MAPK14: variants seen among roughly 807,000 people sequenced by gnomAD.
MAPK14 encodes CSAID-binding protein.
A neutral mutation model predicts 49.6 loss-of-function variants in MAPK14; 16 were observed. That is an observed-to-expected ratio of 0.32 (90% confidence interval 0.22 to 0.49). MAPK14 has a LOEUF of 0.49. Ranked by LOEUF, MAPK14 falls within the 20% of genes least tolerant of loss-of-function variation. MAPK14 has a pLI of 0.99. For missense variants in MAPK14, 200 were observed against 441.2 expected, an observed-to-expected ratio of 0.45 and a Z score of 4.90; for synonymous variants, 142 against 158.0, an observed-to-expected ratio of 0.90 and a Z score of 0.76.
chr6:36,069,219 T>TC (rs756603656), intron 3 of MAPK14, among the ~76,000 whole-genome samples: 3 of 152,216 alleles, frequency 2.0e-5, no homozygotes, highest in Non-Finnish European at 4.4e-5. Context: ...TATGTGACTC[T>TC]CCATTAATGC....
At chr6:36,116,209 G>C (rs1766058213), downstream of MAPK14, among the ~76,000 whole-genome samples, 1 of 152,202 alleles carries the variant, frequency 6.6e-6, no homozygotes, top group Non-Finnish European at 1.5e-5. Context: ...GAATATGACA[G>C]CTCCAAATGC....
chr6:36,093,408 T>C (rs1164414594), intron 8 of MAPK14, among the ~76,000 whole-genome samples: 1 of 152,102 alleles, frequency 6.6e-6, no homozygotes, highest in Non-Finnish European at 1.5e-5. Context: ...GAGCCTGTCT[T>C]CCTTAGAGAG....
chr6:36,053,520 G>A (rs1026519195), intron 2 of MAPK14, among the ~76,000 whole-genome samples: 3 of 152,026 alleles, frequency 2.0e-5, no homozygotes, highest in Non-Finnish European at 2.9e-5. Flanking sequence ...CTAACTGAAA[G>A]TAAAAAGACA....
intron 1 of MAPK14, among the ~76,000 whole-genome samples, chr6:36,038,095 T>C (rs1407589729): frequency 1.3e-5 from 2 of 151,910 alleles, no homozygotes; most frequent in Non-Finnish European, 2.9e-5. Context: ...GTCAGATAAG[T>C]GCTGTGGAGA....
In MAPK14 at chr6:36,107,986, A is replaced by G. The variant is rs1765849421; in HGVS notation, c.1015+358A>G. ...AGTTAACTTAGAACTAGTTAGGGAC[A>G]TAGCCAGGAATGGAACCCATGTATC... is the stretch of plus-strand genomic sequence containing the variant. On this transcript the variant is annotated intron_variant, in intron 11 of 11. Coordinates refer to ENST00000229794, the MANE Select transcript of MAPK14 (RefSeq NM_139012.3). This position sits in a 1 kb window ranked among gnomAD's most constrained non-coding sequence, Gnocchi z 4.3. Among the ~76,000 whole-genome samples, 1 of 152,214 alleles carries G rather than the reference A, an allele frequency of 6.6e-6. No individual in the cohort carries two copies. The highest frequency in any genetic ancestry group is 2.1e-4 in the South Asian group (1 of 4,834).
At chr6:36,087,252 T>G (rs2127457939) in intron 8 of MAPK14, among the ~76,000 whole-genome samples, 1 of 152,240 alleles carries the variant, frequency 6.6e-6, no homozygotes, top group Non-Finnish European at 1.5e-5. Flanking sequence ...CTTTCCCTAC[T>G]CCTATTCAAC....
intron 1 of MAPK14, among the ~76,000 whole-genome samples, chr6:36,034,474 A>C (rs1387314432): frequency 1.3e-5 from 2 of 152,110 alleles, no homozygotes; most frequent in Non-Finnish European, 2.9e-5. Flanking sequence ...TTTGCAGTAA[A>C]ATTTGGGGTA....
chr6:36,059,099 A>T (rs916407774), intron 2 of MAPK14, among the ~76,000 whole-genome samples, 190 bp from the exon 3 acceptor site: 7 of 152,124 alleles, frequency 4.6e-5, no homozygotes, highest in Admixed American at 4.6e-4. Flanking sequence ...CATGTTGGCC[A>T]GGCTGGTCTC....
chr6:36,079,066 T>C lies in MAPK14; in HGVS notation c.682+2458T>C, dbSNP rs527682689. Reference sequence around the variant, plus strand: ...ACTAGAGTTTAACCCAGTTGAATTTTAGTTTAATCTTGGCTGGTCTTGAAG... The same window carrying C: ...ACTAGAGTTTAACCCAGTTGAATTTCAGTTTAATCTTGGCTGGTCTTGAAG... On this transcript the variant is annotated intron_variant, in intron 8 of 11. Coordinates refer to ENST00000229794, the MANE Select transcript of MAPK14 (RefSeq NM_139012.3). 2.6e-4 allele frequency among the ~76,000 whole-genome samples: 40 copies of C among 152,364 alleles called. No homozygotes were observed. The South Asian group carries it at 8.3e-3, about 32-fold the overall frequency.
At chr6:36,033,185 G>A (rs1762607934) in intron 1 of MAPK14, among the ~76,000 whole-genome samples, 1 of 152,142 alleles carries the variant, frequency 6.6e-6, no homozygotes. Context: ...TATGTTACCA[G>A]TGCCAGTCAA....
At chr6:36,041,464 T>A (rs1287540852) in intron 1 of MAPK14, among the ~76,000 whole-genome samples, 7 of 152,326 alleles carry the variant, frequency 4.6e-5, no homozygotes, top group African/African-American at 1.4e-4. Flanking sequence ...TCAAACCTAA[T>A]CTCAAGAATG....
chr6:36,114,629 A>AT (rs1766029013), downstream of MAPK14, among the ~76,000 whole-genome samples: 1 of 152,054 alleles, frequency 6.6e-6, no homozygotes, highest in African/African-American at 2.4e-5. Flanking sequence ...AAAAAAAAAA[A>AT]AAAAAGTAGC....
chr6:36,090,908 C>G (rs1765200432), intron 8 of MAPK14, among the ~76,000 whole-genome samples: 1 of 152,106 alleles, frequency 6.6e-6, no homozygotes. Context: ...GTCCATAAAC[C>G]AAGGGTCCCT....
At chr6:36,096,164 ATGCCCTTTGTGTGCTG>A in intron 9 of MAPK14, 98 bp downstream of exon 9, 2 of 822,598 alleles carry the variant, frequency 2.4e-6, no homozygotes, top group Non-Finnish European at 4.1e-6. Flanking sequence ...GTAAGCACAC[ATGCCCTTTGTGTGCTG>A]ACTTCCCGGA....
At chr6:36,064,270 G>GCCCCC (rs3045917) in intron 3 of MAPK14, among the ~76,000 whole-genome samples, 18 of 124,740 alleles carry the variant, frequency 1.4e-4, no homozygotes, top group Admixed American at 4.2e-4. Flanking sequence ...GAGCCACCAT[G>GCCCCC]CCCCCCCCCA....
At chr6:36,105,515 A>G (rs1765773071) in intron 10 of MAPK14, among the ~76,000 whole-genome samples, 1 of 152,206 alleles carries the variant, frequency 6.6e-6, no homozygotes, top group Admixed American at 6.5e-5. Flanking sequence ...TCTGTGTTCA[A>G]TTATAAAATC....
intron 5 of MAPK14, 74 bp from the exon 6 acceptor site, chr6:36,073,975 C>A: frequency 8.9e-7 from 1 of 1,129,296 alleles, no homozygotes; most frequent in South Asian, 1.3e-5. Context: ...TCTGGATCCT[C>A]ATTATTACCT....
intron 1 of MAPK14, among the ~76,000 whole-genome samples, chr6:36,048,780 C>T (rs1428332943): frequency 6.6e-6 from 1 of 152,146 alleles, no homozygotes; most frequent in Non-Finnish European, 1.5e-5. Context: ...GCTTCAGGTG[C>T]TTATGTGTCT....
At chr6:36,086,700 A>G (rs189612777) in intron 8 of MAPK14, among the ~76,000 whole-genome samples, 49 of 152,338 alleles carry the variant, frequency 3.2e-4, no homozygotes, top group African/African-American at 1.1e-3. Context: ...TTACAGCCAA[A>G]TTCTACCAGA....
Sources: gnomAD v4.1 joint callset for allele counts (sites outside exome capture counted in the v4.1 genomes callset) on GRCh38, gnomAD v4.1.1 for gene constraint, Gnocchi (gnomAD v3.1) non-coding constraint, MANE v1.5 for transcripts, NCBI Gene and HGNC (gene_info 2026-07-23, HGNC 2026-07-21) for gene names.